SHROOM2: variants seen among roughly 807,000 people sequenced by gnomAD.
SHROOM2 encodes protein Shroom2.
Under a neutral mutation model 75.9 loss-of-function variants are expected in SHROOM2, and 33 were observed. That is an observed-to-expected ratio of 0.43 (90% CI 0.33 to 0.58). The LOEUF (loss-of-function observed/expected upper bound fraction) is 0.58, where lower values mean the gene tolerates loss of function less well. Ranked by LOEUF, SHROOM2 falls within the 20% of genes least tolerant of loss-of-function variation. The pLI is 0.04. For synonymous variants in SHROOM2, 655 were observed against 663.6 expected, an observed-to-expected ratio of 0.99 and a Z score of 0.20; for missense variants, 1,434 against 1,461.2, an observed-to-expected ratio of 0.98 and a Z score of 0.30.
intron 1 of SHROOM2, among the ~76,000 whole-genome samples, chrX:9,857,934 C>T (rs1184349057): frequency 9.0e-6 from 1 of 110,848 alleles, no homozygotes; most frequent in Non-Finnish European, 1.9e-5. Context: ...TAGACCCCAT[C>T]CTGAGGGTGT....
chrX:9,864,252 C>T (rs1421539596), intron 1 of SHROOM2, among the ~76,000 whole-genome samples: 1 of 111,483 alleles, frequency 9.0e-6, no homozygotes, highest in Non-Finnish European at 1.9e-5. Flanking sequence ...CTCAAGTTTT[C>T]AGCCTTTCAT....
chrX:9,911,377 A>G (rs1483064752), intron 5 of SHROOM2, among the ~76,000 whole-genome samples: 1 of 112,512 alleles, frequency 8.9e-6, no homozygotes, highest in African/African-American at 3.2e-5. Context: ...AAAATCTAAA[A>G]TAGCAGTGAT....
At chrX:9,892,681 G>A (rs1330262652) in intron 3 of SHROOM2, among the ~76,000 whole-genome samples, 1 of 111,695 alleles carries the variant, frequency 9.0e-6, no homozygotes, top group Admixed American at 9.5e-5. Context: ...CATGCCCCGG[G>A]TTTGAGGATA....
chrX:9,853,637 G>C (rs1363527717), intron 1 of SHROOM2, among the ~76,000 whole-genome samples: 1 of 111,546 alleles, frequency 9.0e-6, no homozygotes, highest in African/African-American at 3.3e-5. Context: ...ATCTGTTGTG[G>C]ACACCGTTAT....
At chrX:9,822,079 C>A (rs1053737552) in intron 1 of SHROOM2, among the ~76,000 whole-genome samples, 26 of 112,516 alleles carry the variant, frequency 2.3e-4, no homozygotes, top group African/African-American at 7.7e-4. Context: ...TCTTCAGTGG[C>A]CCTGAATTCG....
At chrX:9,934,384 C>A (rs773004708) in intron 6 of SHROOM2, among the ~76,000 whole-genome samples, 1 of 111,162 alleles carries the variant, frequency 9.0e-6, no homozygotes, top group African/African-American at 3.3e-5. Context: ...TATCTCCAGC[C>A]GAGGCATTGT....
intron 1 of SHROOM2, among the ~76,000 whole-genome samples, chrX:9,800,355 A>G (rs967095952): frequency 9.1e-6 from 1 of 109,864 alleles, no homozygotes; most frequent in Non-Finnish European, 1.9e-5. Flanking sequence ...TATTATTATT[A>G]TTTGAGATGG....
chrX:9,817,467 C>T (rs2083829445), intron 1 of SHROOM2, among the ~76,000 whole-genome samples: 1 of 111,924 alleles, frequency 8.9e-6, no homozygotes, highest in Non-Finnish European at 1.9e-5. Flanking sequence ...GCAACTACTG[C>T]GTACACACAA....
chrX:9,862,203 G>A (rs892154195), intron 1 of SHROOM2, among the ~76,000 whole-genome samples: 6 of 111,169 alleles, frequency 5.4e-5, no homozygotes, highest in East Asian at 2.8e-4. Context: ...TATTATCGAC[G>A]AATTATTAAC....
intron 2 of SHROOM2, among the ~76,000 whole-genome samples, chrX:9,883,310 G>A (rs989385672): frequency 7.2e-5 from 8 of 111,781 alleles, no homozygotes; most frequent in African/African-American, 1.3e-4. Context: ...AGATATAAAC[G>A]TCTGCCAGCC....
intron 1 of SHROOM2, among the ~76,000 whole-genome samples, chrX:9,792,454 G>GTTTTTTTT (rs34640554): frequency 4.1e-5 from 4 of 98,237 alleles, no homozygotes; most frequent in Non-Finnish European, 4.2e-5. Context: ...GTTTTTTTGT[G>GTTTTTTTT]TTGTTTTTTT....
intron 1 of SHROOM2, among the ~76,000 whole-genome samples, chrX:9,814,373 A>C (rs893920698): frequency 9.0e-6 from 1 of 111,421 alleles, no homozygotes; most frequent in Non-Finnish European, 1.9e-5. Context: ...ATTATCCCAT[A>C]CCCTTAATAT....
chrX:9,881,753 T>G (rs1308957448), intron 2 of SHROOM2, among the ~76,000 whole-genome samples: 1 of 112,296 alleles, frequency 8.9e-6, no homozygotes, highest in East Asian at 2.8e-4. Context: ...GCCACTGAGT[T>G]TCATCTCTTT....
At chrX:9,877,149 A>T (rs759956535) in intron 2 of SHROOM2, among the ~76,000 whole-genome samples, 1 of 111,974 alleles carries the variant, frequency 8.9e-6, no homozygotes, top group African/African-American at 3.2e-5. Context: ...TTTCACAGGC[A>T]TGGGCAACGT....
At chrX:9,922,383 G>A (rs2283703) in intron 5 of SHROOM2, among the ~76,000 whole-genome samples, 23,367 of 110,069 alleles carry the variant, frequency 0.21, 1,932 homozygotes, top group East Asian at 0.31. Context: ...TATACACCTC[G>A]TAATCAAAAC....
Position 9,906,021 on chromosome X carries a change from A to C in SHROOM2, c.2891+7731A>C, listed in dbSNP as rs765379998. Among the ~76,000 whole-genome samples the C allele has an allele frequency of 4.5e-4, 51 of 112,248 alleles. No homozygotes were observed. In the South Asian group the frequency reaches 0.019, roughly 41 times the overall value. ...CCCTGGGCCGCGAGCATCATGGTTT[A>C]TGCTCAGCAAAGCCACATCACCTGT... On this transcript the variant is annotated intron_variant, in intron 5 of 9. Transcript: ENST00000380913.
Position 9,895,254 on chromosome X carries a change from C to G in SHROOM2, c.1346C>G (p.Ala449Gly). 8.4e-7 allele frequency: 1 copy of G among 1,188,261 alleles called. No individual in the cohort carries two copies. Among genetic ancestry groups the G allele is most frequent in the Non-Finnish European group, 1.1e-6 (1 of 883,131 alleles). Residue 449 changes from alanine (A) to glycine (G), a missense_variant, in exon 4 of 10, where the codon GCT becomes GGT. By Grantham distance (60) the Ala-to-Gly change is moderately conservative. Transcript: ENST00000380913. ...CADSLGQEPGAASFQNDSPPQ... is the reference protein window; with the variant it reads ...CADSLGQEPGGASFQNDSPPQ... ...GACAGCCTTGGGCAGGAGCCAGGGG[C>G]TGCCAGCTTCCAGAACGACAGCCCT...
chrX:9,903,061 A>T (rs17255292), intron 5 of SHROOM2, among the ~76,000 whole-genome samples: 3,366 of 112,390 alleles, frequency 0.03, 65 homozygotes, highest in Non-Finnish European at 0.047. Flanking sequence ...AGCTAAATGA[A>T]CCTGAGGGTC....
At position 9,946,882 on chromosome X, in the gene SHROOM2, G is replaced by A; in HGVS notation, c.4796G>A (p.Gly1599Asp). The A allele has an allele frequency of 8.4e-7, 1 of 1,197,073 alleles. No homozygotes were observed. Among genetic ancestry groups the A allele is most frequent in the Non-Finnish European group, 1.1e-6 (1 of 887,659 alleles). Reference sequence around the variant, plus strand: ...GAGCTGGAAGATAAAATCCACCTTGGTGAAGAGCAGCTGAAGTGCTTATTG... The same window carrying A: ...GAGCTGGAAGATAAAATCCACCTTGATGAAGAGCAGCTGAAGTGCTTATTG... ...QRELEDKIHL[G>D]EEQLKCLLDS... The change falls in exon 10 of 10, where the codon GGT (glycine) becomes GAT (aspartate). Residue 1599 changes from glycine (G) to aspartate (D), a missense_variant. By Grantham distance (94) the Gly-to-Asp change is moderately conservative. Around this residue, in one of 3 missense-constraint regions of SHROOM2, gnomAD observed 80 missense variants for 88.4 expected, o/e 0.90. Transcript: ENST00000380913.
Sources: allele counts gnomAD v4.1 joint callset (sites outside exome capture counted in the v4.1 genomes callset), GRCh38; gene constraint gnomAD v4.1.1; regional missense constraint gnomAD v4.1.1; transcripts MANE v1.5; gene names NCBI Gene and HGNC (gene_info 2026-07-23, HGNC 2026-07-21).